The following BCCIP variants were observed in gnomAD, a reference collection of about 807,000 sequenced individuals.
The protein encoded by BCCIP is BRCA2 and CDKN1A-interacting protein.
In BCCIP, 23 loss-of-function variants were observed where a neutral mutation model predicts 32.8. That is an observed-to-expected ratio of 0.70 (90% CI 0.51 to 0.99). The LOEUF (loss-of-function observed/expected upper bound fraction) is 0.99. Ranked by LOEUF, BCCIP falls within the 50% of genes least tolerant of loss-of-function variation. The probability of loss-of-function intolerance (pLI) is 0.00; values close to 1 mark genes in which losing one functional copy is unlikely to be tolerated. For synonymous variants in BCCIP, 144 were observed against 137.6 expected, an observed-to-expected ratio of 1.05 and a Z score of -0.33; for missense variants, 378 against 379.8, an observed-to-expected ratio of 1.00 and a Z score of 0.04.
At position 125,833,796 on chromosome 10, in the gene BCCIP, A is replaced by T. The variant is rs1485137412; in HGVS notation, c.624A>T (p.Arg208Ser). 1 of 1,614,184 alleles carries T rather than the reference A, an allele frequency of 6.2e-7. No individual in the cohort carries two copies. Among genetic ancestry groups the T allele is most frequent in the East Asian group, 2.2e-5 (1 of 44,890 alleles). The change falls in exon 6 of 7, where the codon AGA (arginine) becomes AGT (serine). Residue 208 changes from arginine (R) to serine (S), a missense_variant. Coordinates refer to ENST00000278100, the MANE Select transcript of BCCIP (RefSeq NM_078468.3). ...GGAAAGAACTGGCGGGGGCACACAGAACCAATAAGCCATGTGGGAAGTGCT... is the reference window on the plus strand; with the variant it reads ...GGAAAGAACTGGCGGGGGCACACAGTACCAATAAGCCATGTGGGAAGTGCT... ...QLQKELAGAH[R>S]TNKPCGKCYF... is the part of the protein sequence containing the mutation.
At chr10:125,848,477 G>A (rs1276180201) in intron 7 of BCCIP, among the ~76,000 whole-genome samples, 2 of 152,190 alleles carry the variant, frequency 1.3e-5, no homozygotes, top group African/African-American at 4.8e-5. Flanking sequence ...TGGCCACCCA[G>A]CTGTTTTGTC....
At chr10:125,841,322 A>G (rs1307799170), downstream of BCCIP, 11 of 1,614,212 alleles carry the variant, frequency 6.8e-6, no homozygotes, top group Non-Finnish European at 8.5e-6. Flanking sequence ...GTTCCGATAC[A>G]GCACAATGGT....
At chr10:125,830,420 T>A (rs1025869216) in intron 3 of BCCIP, 142 bp from the exon 4 acceptor site, 3 of 490,406 alleles carry the variant, frequency 6.1e-6, no homozygotes, top group Non-Finnish European at 1.1e-5. Context: ...TAAAATACAA[T>A]GCTTTCTAAG....
chr10:125,852,295 G>C, intron 7 of BCCIP: 1 of 1,613,834 alleles, frequency 6.2e-7, no homozygotes, highest in South Asian at 1.1e-5. Context: ...AAGGCTACCT[G>C]GTCTGTTCAT....
chr10:125,825,424 T>C (rs1854367724), intron 1 of BCCIP: 2 of 152,144 alleles, frequency 1.3e-5, no homozygotes, highest in African/African-American at 4.8e-5. Context: ...ATAATGACAG[T>C]TTGTTATTTG....
At chr10:125,850,738 ACTTTT>A (rs1589708676) in intron 7 of BCCIP, among the ~76,000 whole-genome samples, 2 of 152,140 alleles carry the variant, frequency 1.3e-5, no homozygotes, top group Admixed American at 6.5e-5. Context: ...GTTTGGGTTC[ACTTTT>A]CTTTTCATAA....
At chr10:125,848,384 A>G (rs191706415) in intron 7 of BCCIP, among the ~76,000 whole-genome samples, 278 of 152,300 alleles carry the variant, frequency 1.8e-3, no homozygotes, top group African/African-American at 6.5e-3. Context: ...TTGTACCTCT[A>G]AATAACCCCA....
At chr10:125,842,188 C>G in exon 7 of BCCIP, 1 of 416,752 alleles carries the variant, frequency 2.4e-6, no homozygotes, top group Non-Finnish European at 4.1e-6. Flanking sequence ...CGGGGGGAAC[C>G]CAGGTGGAGC....
At chr10:125,827,971 A>G (rs1854441315) in intron 3 of BCCIP, among the ~76,000 whole-genome samples, 1 of 149,904 alleles carries the variant, frequency 6.7e-6, no homozygotes, top group Non-Finnish European at 1.5e-5. Context: ...ATATCTGAAA[A>G]AAAAAAAAAA....
In BCCIP at chr10:125,823,620, A is replaced by C. The variant is rs550952791; in HGVS notation, c.63A>C (p.Pro21=). ...GGGTTCCGCAGCCGCCGGATCCCCC[A>C]GTCCAGCGCGACGAGGAAGAGGAAA... is the stretch of plus-strand genomic sequence containing the variant. ...ESGVPQPPDP[P]VQRDEEEEKE... Residue 21 remains proline (P), a synonymous_variant, in exon 1 of 7, where the codon CCA becomes CCC. Transcript: ENST00000278100. 10 of 1,614,154 alleles carry C rather than the reference A, an allele frequency of 6.2e-6. No individual in the cohort carries two copies. Among genetic ancestry groups the C allele is most frequent in the African/African-American group, 1.3e-5 (1 of 75,060 alleles).
chr10:125,851,442 GCCTT>G (rs1020569416), intron 7 of BCCIP, among the ~76,000 whole-genome samples: 58 of 152,238 alleles, frequency 3.8e-4, no homozygotes, highest in African/African-American at 1.4e-3. Flanking sequence ...ACATCACCAA[GCCTT>G]CCTTTTCTTC....
chr10:125,836,171 C>G lies in BCCIP; in HGVS notation c.842C>G (p.Ser281Cys). Residue 281 changes from serine (S) to cysteine (C), a missense_variant, in exon 7 of 7, where the codon TCT (serine) becomes TGT (cysteine). Transcript: ENST00000278100. ...GACACTTGTCTGGGAGGCAAATGGT[C>G]TTTTGATGACGTACCAATGACGCCC... The part of the protein sequence containing the change: ...ESDTCLGGKW[S>C]FDDVPMTPLR... The G allele has an allele frequency of 5.6e-6, 9 of 1,614,222 alleles. No individual in the cohort carries two copies. Among genetic ancestry groups the G allele is most frequent in the Non-Finnish European group, 7.6e-6 (9 of 1,180,040 alleles).
At chr10:125,840,560 G>A (rs185868366), downstream of BCCIP, among the ~76,000 whole-genome samples, 7 of 152,304 alleles carry the variant, frequency 4.6e-5, no homozygotes, top group East Asian at 3.9e-4. Flanking sequence ...TGTGTCCCCC[G>A]TCACCATGCC....
At position 125,842,116 on chromosome 10, in the gene BCCIP, G is replaced by A. The variant is rs1376348660; in HGVS notation, c.*757G>A. 3.8e-6 allele frequency: 3 copies of A among 784,948 alleles called. No individual in the cohort carries two copies. The East Asian group carries it at 9.6e-5, about 25-fold the overall frequency. 48.6% of individuals were successfully genotyped at this position (784,948 alleles called of 1,614,324 possible). A position where few individuals can be genotyped will look rare whatever the true frequency, so the allele number is the denominator to read the frequency against. Reference sequence around the variant, plus strand: ...GTGATTCTTGAGAGGGCAAACTCAGGAGGGGAGCCCTGTGATTGTCCAGCT... The same window carrying A: ...GTGATTCTTGAGAGGGCAAACTCAGAAGGGGAGCCCTGTGATTGTCCAGCT... On this transcript the variant is annotated 3_prime_UTR_variant, in exon 7 of 7. Transcript: ENST00000299130.
intron 5 of BCCIP, among the ~76,000 whole-genome samples, chr10:125,833,126 A>G (rs1233694681): frequency 5.3e-5 from 8 of 151,882 alleles, no homozygotes; most frequent in African/African-American, 1.9e-4. Context: ...TTTGTCTCCA[A>G]ACGAAAAAAA....
intron 5 of BCCIP, among the ~76,000 whole-genome samples, chr10:125,832,746 A>G (rs1176427000): frequency 1.3e-5 from 2 of 150,358 alleles, no homozygotes; most frequent in South Asian, 4.2e-4. Flanking sequence ...ATATACTATG[A>G]TTGTGCCTGT....
chr10:125,841,262 G>GA (rs1854871380), downstream of BCCIP: 1 of 1,613,990 alleles, frequency 6.2e-7, no homozygotes, highest in African/African-American at 1.3e-5. Flanking sequence ...CAGGAGCAGG[G>GA]AAAACCTGAG....
At chr10:125,841,885 T>C (rs1322403401) in exon 7 of BCCIP, 1 of 1,610,550 alleles carries the variant, frequency 6.2e-7, no homozygotes, top group South Asian at 1.1e-5. Flanking sequence ...CATTATCCAG[T>C]GCTGCCAGAT....
chr10:125,827,967 GAAAAAAAA>G (rs11296499), intron 3 of BCCIP, among the ~76,000 whole-genome samples: 2 of 62,306 alleles, frequency 3.2e-5, no homozygotes, highest in East Asian at 4.7e-4. Context: ...CCCTATATCT[GAAAAAAAA>G]AAAAAAAAAA....
Sources: allele counts gnomAD v4.1 joint callset (sites outside exome capture counted in the v4.1 genomes callset), GRCh38; gene constraint gnomAD v4.1.1; transcripts MANE v1.5; gene names NCBI Gene and HGNC (gene_info 2026-07-23, HGNC 2026-07-21).